The following STIM2 variants were observed in gnomAD, a reference collection of about 807,000 sequenced individuals.
The protein encoded by STIM2 is stromal interaction molecule 2.
A neutral mutation model predicts 85.8 loss-of-function variants in STIM2; 31 were observed. The ratio of observed to expected loss-of-function variants is 0.36; its 90% CI spans 0.27 to 0.49. The LOEUF (loss-of-function observed/expected upper bound fraction) is 0.49, where lower values mean the gene tolerates loss of function less well. Among genes scored for constraint, STIM2 ranks in the 20% least tolerant of loss-of-function variants. The pLI is 0.98. For synonymous variants in STIM2, 356 were observed against 331.1 expected (o/e 1.08, Z -0.82); for missense variants, 841 against 927.6 (o/e 0.91, Z 1.21).
chr4:26,943,172 T>C (rs1328348796), intron 2 of STIM2, among the ~76,000 whole-genome samples: 1 of 148,382 alleles, frequency 6.7e-6, no homozygotes, highest in South Asian at 2.2e-4. Context: ...TGCCAGTATT[T>C]TAATTCTATC....
At chr4:27,013,183 C>T (rs1247945400) in intron 10 of STIM2, among the ~76,000 whole-genome samples, 1 of 143,986 alleles carries the variant, frequency 6.9e-6, no homozygotes, top group Admixed American at 7.3e-5. Context: ...TTTTGCTTTT[C>T]ATGGTTTCTA....
chr4:26,994,331 C>T (rs761608458), intron 3 of STIM2, among the ~76,000 whole-genome samples: 50 of 152,064 alleles, frequency 3.3e-4, no homozygotes, highest in Admixed American at 3.3e-4. Flanking sequence ...AATGGTAGCA[C>T]CCTCTGTACT....
intron 1 of STIM2, chr4:26,861,580 A>T (rs1375232551): frequency 3.2e-6 from 2 of 625,142 alleles, no homozygotes; most frequent in Non-Finnish European, 4.5e-6. Flanking sequence ...GAGCCTCTCG[A>T]CGGCACTGAT....
rs562028426 is a variant in STIM2 at position 26,905,603 on chromosome 4, C to G, written c.152-13901C>G. Among the ~76,000 whole-genome samples the G allele has an allele frequency of 8.3e-4, 127 of 152,262 alleles. 4 individuals are homozygous for G. In the South Asian group the frequency reaches 0.017, roughly 21 times the overall value. ...TGTCAACTGATGTGCTTAGTCCTTT[C>G]TTACAGTCTTGGTCGTGTTTTGTTG... On this transcript the variant is annotated intron_variant, in intron 1 of 11. Transcript: ENST00000467087.
intron 3 of STIM2, among the ~76,000 whole-genome samples, chr4:26,971,846 A>G (rs1445915960): frequency 6.6e-6 from 1 of 152,144 alleles, no homozygotes; most frequent in Non-Finnish European, 1.5e-5. Flanking sequence ...GGCCATTTTC[A>G]TGATATTAAT....
chr4:26,984,699 T>G (rs1577479646), intron 3 of STIM2, among the ~76,000 whole-genome samples: 1 of 152,332 alleles, frequency 6.6e-6, no homozygotes, highest in Non-Finnish European at 1.5e-5. Flanking sequence ...ATCTTTGTTA[T>G]TTCTCACCAT....
chr4:27,011,759 A>T (rs949292329), intron 10 of STIM2, among the ~76,000 whole-genome samples: 1 of 151,870 alleles, frequency 6.6e-6, no homozygotes, highest in African/African-American at 2.4e-5. Flanking sequence ...TTTCTTCCTG[A>T]GTTGCTTGTT....
At chr4:26,909,344 T>G (rs1010535767) in intron 1 of STIM2, among the ~76,000 whole-genome samples, 1 of 152,222 alleles carries the variant, frequency 6.6e-6, no homozygotes, top group Admixed American at 6.5e-5. Context: ...ATTATTTCCA[T>G]TCTACAGGTG....
intron 1 of STIM2, among the ~76,000 whole-genome samples, chr4:26,869,713 A>C (rs1419589291): frequency 6.6e-6 from 1 of 151,574 alleles, no homozygotes; most frequent in Non-Finnish European, 1.5e-5. Flanking sequence ...TAAACCTGAA[A>C]ATTGCCTGAG....
At chr4:26,878,962 CAT>C (rs1212504734) in intron 1 of STIM2, among the ~76,000 whole-genome samples, 1 of 152,180 alleles carries the variant, frequency 6.6e-6, no homozygotes, top group Non-Finnish European at 1.5e-5. Context: ...TCCCCCCACA[CAT>C]GAGGATTACA....
intron 6 of STIM2, among the ~76,000 whole-genome samples, chr4:27,002,595 TAGAAG>T (rs1728196346): frequency 6.6e-6 from 1 of 152,212 alleles, no homozygotes. Context: ...AATAAATGAG[TAGAAG>T]AACAGTGGAG....
chr4:26,883,985 C>T (rs1577414338), intron 1 of STIM2, among the ~76,000 whole-genome samples: 2 of 152,128 alleles, frequency 1.3e-5, no homozygotes, highest in African/African-American at 4.8e-5. Flanking sequence ...CTGATTAATA[C>T]GTCACAAATG....
chr4:26,861,557 C>A (rs1722197286), intron 1 of STIM2, 188 bp downstream of exon 1: 1 of 907,360 alleles, frequency 1.1e-6, no homozygotes, highest in East Asian at 3.6e-5. Flanking sequence ...CACCCCGACA[C>A]CCCGCCCTCG....
At chr4:26,990,151 AT>A (rs58237868) in intron 3 of STIM2, among the ~76,000 whole-genome samples, 66,216 of 151,912 alleles carry the variant, frequency 0.44, 15,429 homozygotes, top group East Asian at 0.62. Context: ...ATCTATAGCA[AT>A]TCTTGAGCAA....
In STIM2 at chr4:26,955,716, A is replaced by T. The variant is rs1247179428; in HGVS notation, c.283-1896A>T. On this transcript the variant is annotated intron_variant, in intron 2 of 11. Transcript: ENST00000467087. ...TAGTTTAGTACTTTTCAAACTTTTG[A>T]TGACGAAAGACCAGATGTTTAATTT... Among the ~76,000 whole-genome samples, 7 of 140,714 alleles carry T rather than the reference A, an allele frequency of 5.0e-5. No individual in the cohort carries two copies. The East Asian group carries it at 1.3e-3, about 27-fold the overall frequency. 92.3% of individuals were successfully genotyped at this position (140,714 alleles called of 152,430 possible).
At chr4:27,004,957 T>C (rs1469367077) in intron 7 of STIM2, among the ~76,000 whole-genome samples, 6 of 152,188 alleles carry the variant, frequency 3.9e-5, no homozygotes, top group Admixed American at 6.5e-5. Context: ...AAATGAGCTG[T>C]GTAGAGAGGC....
At chr4:26,996,368 T>TG (rs1173920549) in intron 4 of STIM2, among the ~76,000 whole-genome samples, 4 of 152,092 alleles carry the variant, frequency 2.6e-5, no homozygotes, top group Non-Finnish European at 5.9e-5. Flanking sequence ...TTTCCCTGGA[T>TG]GATTTCCTAC....
intron 1 of STIM2, among the ~76,000 whole-genome samples, chr4:26,878,902 C>T (rs1722904068): frequency 1.3e-5 from 2 of 152,118 alleles, no homozygotes; most frequent in African/African-American, 4.8e-5. Context: ...ATCATGAGAA[C>T]AGCATGGGGG....
At chr4:26,990,983 G>T (rs1463136805) in intron 3 of STIM2, among the ~76,000 whole-genome samples, 1 of 152,094 alleles carries the variant, frequency 6.6e-6, no homozygotes, top group African/African-American at 2.4e-5. Flanking sequence ...CTATTTGTGG[G>T]AATGTAAAGT....
Sources: gnomAD v4.1 joint callset for allele counts (sites outside exome capture counted in the v4.1 genomes callset) on GRCh38, gnomAD v4.1.1 for gene constraint, MANE v1.5 for transcripts, NCBI Gene and HGNC (gene_info 2026-07-23, HGNC 2026-07-21) for gene names.